Variants in GRM4 observed in about 807,000 individuals in gnomAD.
GRM4 encodes metabotropic glutamate receptor 4.
A neutral mutation model predicts 81.7 loss-of-function variants in GRM4; 28 were observed. The observed-to-expected ratio is 0.34, with a 90% CI of 0.25 to 0.47. The LOEUF is 0.47. GRM4 is among the 20% of genes least tolerant of loss of function. GRM4 has a pLI of 1.00. For synonymous variants in GRM4, 488 were observed against 528.8 expected, an observed-to-expected ratio of 0.92 and a Z score of 1.06; for missense variants, 948 against 1,290.0, an observed-to-expected ratio of 0.73 and a Z score of 4.06.
intron 2 of GRM4, chr6:34,100,039 T>C (rs1298108998): frequency 2.0e-6 from 2 of 983,338 alleles, no homozygotes; most frequent in African/African-American, 3.5e-5. Flanking sequence ...TCCTCTGCTC[T>C]GTGGATTTAG....
chr6:34,123,837 C>T (rs370638741), intron 2 of GRM4, among the ~76,000 whole-genome samples: 5 of 152,180 alleles, frequency 3.3e-5, no homozygotes, highest in East Asian at 3.9e-4. Context: ...TACTGCCCCT[C>T]GGGGATCCCC....
Position 34,036,736 on chromosome 6 carries a change from G to A in GRM4, c.1507-133C>T, listed in dbSNP as rs556508475. On this transcript the variant is annotated intron_variant, in intron 8 of 10. Coordinates refer to ENST00000538487, the MANE Select transcript of GRM4 (RefSeq NM_000841.4). This position sits in a 1 kb window ranked among gnomAD's most constrained non-coding sequence, Gnocchi z 9.0. The stretch of plus-strand genomic sequence containing the variant: ...TAGTTGGCTAAAAGTCCAGCTGCCC[G>A]GACCCCACAGGGACTTACTGAATCT... 124 of 596,706 alleles carry A rather than the reference G, an allele frequency of 2.1e-4. No individual in the cohort carries two copies. Among genetic ancestry groups the A allele is most frequent in the African/African-American group, 1.9e-3 (103 of 53,916 alleles). 37.0% of individuals were successfully genotyped at this position (596,706 alleles called of 1,614,324 possible).
rs748955361 is a variant in GRM4, at chr6:34,130,798, C to G, written c.519+2180G>C. 2.6e-5 allele frequency among the ~76,000 whole-genome samples: 4 copies of G among 152,252 alleles called. No homozygotes were observed. Among genetic ancestry groups the G allele is most frequent in the Admixed American group, 6.5e-5 (1 of 15,288 alleles). ...CAGGGGAAGGGATCCTCACCAATGT[C>G]ACAGGTTCAAGGGCTGGACCAGGCT... is the stretch of plus-strand genomic sequence containing the variant. On this transcript the variant is annotated intron_variant, in intron 2 of 10. Coordinates refer to ENST00000538487, the MANE Select transcript of GRM4 (RefSeq NM_000841.4). The surrounding 1 kb of genome is among the most constrained non-coding windows in gnomAD (Gnocchi z 4.1).
intron 2 of GRM4, chr6:34,110,800 C>A (rs1463299405): frequency 7.1e-7 from 1 of 1,405,144 alleles, no homozygotes; most frequent in African/African-American, 1.5e-5. Flanking sequence ...GCCCAGGCTG[C>A]AGGCCATCTG....
At chr6:34,038,288 A>G (rs1001443773) in intron 8 of GRM4, among the ~76,000 whole-genome samples, 2 of 152,248 alleles carry the variant, frequency 1.3e-5, no homozygotes, top group Non-Finnish European at 2.9e-5. Flanking sequence ...GAAAGCAGAT[A>G]TGAAGCCACT....
intron 3 of GRM4, among the ~76,000 whole-genome samples, chr6:34,073,183 A>G (rs1483804173): frequency 6.6e-5 from 8 of 120,664 alleles, no homozygotes; most frequent in Admixed American, 1.6e-4. Flanking sequence ...CACCACACAA[A>G]TACACATTAC....
intron 2 of GRM4, among the ~76,000 whole-genome samples, chr6:34,132,012 C>A (rs981133794): frequency 3.9e-5 from 6 of 152,164 alleles, no homozygotes; most frequent in African/African-American, 1.4e-4. Context: ...AAGACAGGCT[C>A]CAAGAGAGAA....
chr6:34,119,445 A>G (rs192378803), intron 2 of GRM4, among the ~76,000 whole-genome samples: 1 of 152,200 alleles, frequency 6.6e-6, no homozygotes, highest in African/African-American at 2.4e-5. Context: ...GACCTGCTAC[A>G]TGAGGCCAGG....
intron 2 of GRM4, among the ~76,000 whole-genome samples, chr6:34,107,724 A>G (rs544739291): frequency 1.3e-5 from 2 of 152,214 alleles, no homozygotes; most frequent in Non-Finnish European, 2.9e-5. Flanking sequence ...CTAAAAGGCC[A>G]AAACAGAGGA....
At chr6:34,039,120 A>C (rs3798529) in intron 8 of GRM4, among the ~76,000 whole-genome samples, 54,241 of 151,986 alleles carry the variant, frequency 0.36, 13,420 homozygotes, top group African/African-American at 0.71. Flanking sequence ...CGCTCTCCAC[A>C]CAGCAATCCA....
chr6:34,057,030 G>A (rs1282915305), intron 5 of GRM4, among the ~76,000 whole-genome samples: 6 of 152,148 alleles, frequency 3.9e-5, no homozygotes, highest in Non-Finnish European at 7.3e-5. Context: ...ACAGAGGCTG[G>A]TGGGGCTGCC....
At chr6:34,056,751 C>T in intron 5 of GRM4, 67 bp from the exon 6 acceptor site, 1 of 1,550,920 alleles carries the variant, frequency 6.4e-7, no homozygotes, top group Non-Finnish European at 8.8e-7. Flanking sequence ...CCCTCCCCGC[C>T]TCCCCCAGGA....
rs190423612 is a variant in GRM4 at position 34,080,771 on chromosome 6, G to A, written c.736+11112C>T. 9.9e-5 allele frequency among the ~76,000 whole-genome samples: 15 copies of A among 151,984 alleles called. No homozygotes were observed. The East Asian group carries it at 2.7e-3, about 27-fold the overall frequency. On this transcript the variant is annotated intron_variant, in intron 3 of 10. Coordinates refer to ENST00000538487, the MANE Select transcript of GRM4 (RefSeq NM_000841.4). The surrounding 1 kb of genome is among the most constrained non-coding windows in gnomAD (Gnocchi z 5.4). ...GCCGTCACAGCTCATACTTGGTCACGCAGGAGTCACACGTGACTTGAGGGA... is the reference window on the plus strand; with the variant it reads ...GCCGTCACAGCTCATACTTGGTCACACAGGAGTCACACGTGACTTGAGGGA...
At chr6:34,150,167 C>A (rs1771017069), upstream of GRM4, among the ~76,000 whole-genome samples, 2 of 151,338 alleles carry the variant, frequency 1.3e-5, no homozygotes, top group South Asian at 2.1e-4. Context: ...CGCATTTGTA[C>A]CTGTACCCCA....
Position 34,132,993 on chromosome 6 carries a change from G to A in GRM4, c.504C>T (p.Ile168=). The A allele has an allele frequency of 6.2e-7, 1 of 1,605,194 alleles. No individual in the cohort carries two copies. Among genetic ancestry groups the A allele is most frequent in the South Asian group, 1.1e-5 (1 of 89,584 alleles). ...GSSVSIMVAN[I]LRLFKIPQIS... Reference sequence around the variant, plus strand: ...AGGCACTGACCTTGAAGAGGCGAAGGATGTTGGCCACCATGATGGAGACCG... The same window carrying A: ...AGGCACTGACCTTGAAGAGGCGAAGAATGTTGGCCACCATGATGGAGACCG... Residue 168 remains isoleucine (I), a synonymous_variant, in exon 2 of 11, where the codon ATC becomes ATT. Coordinates refer to ENST00000538487, the MANE Select transcript of GRM4 (RefSeq NM_000841.4).
chr6:34,061,981 C>G lies in GRM4; in HGVS notation c.784G>C (p.Ala262Pro), dbSNP rs1445680953. 1 of 1,613,844 alleles carries G rather than the reference C, an allele frequency of 6.2e-7. No individual in the cohort carries two copies. Among genetic ancestry groups the G allele is most frequent in the Non-Finnish European group, 8.5e-7 (1 of 1,179,844 alleles). The change falls in exon 4 of 11, where the codon GCA becomes CCA. Residue 262 changes from alanine to proline, a missense_variant. Coordinates refer to ENST00000538487, the MANE Select transcript of GRM4 (RefSeq NM_000841.4). ...CGGATGATCTTGTCGAACTCGCCTG[C>G]CTTGGGCTCCCGTGGTATCTTCACC... ...QSVKIPREPK[A>P]GEFDKIIRRL...
chr6:34,035,559 T>TGAAAGAAGGCAGAATGAGGCAA lies in GRM4; in HGVS notation c.2442+108_2442+109insTTGCCTCATTCTGCCTTCTTTC, dbSNP rs1198761612. The TGAAAGAAGGCAGAATGAGGCAA allele has an allele frequency of 0.064, 37,290 of 582,794 alleles. 5,200 individuals are homozygous for TGAAAGAAGGCAGAATGAGGCAA. The highest frequency in any genetic ancestry group is 0.39 in the African/African-American group (16,789 of 42,974). 36.1% of individuals were successfully genotyped at this position (582,794 alleles called of 1,614,324 possible). On this transcript the variant is annotated intron_variant, in intron 9 of 10. Coordinates refer to ENST00000538487, the MANE Select transcript of GRM4 (RefSeq NM_000841.4). This position sits in a 1 kb window ranked among gnomAD's most constrained non-coding sequence, Gnocchi z 6.6. ...GCAAGAAAGAAGGCAGAATGAGGCA[T>TGAAAGAAGGCAGAATGAGGCAA]GAAAGAAGGCATTTCTGGAGCAGGG... is the stretch of plus-strand genomic sequence containing the variant.
At chr6:34,062,955 T>G (rs2127462895) in intron 3 of GRM4, 1 of 152,244 alleles carries the variant, frequency 6.6e-6, no homozygotes, top group East Asian at 1.9e-4. Context: ...AGAAGTGGCT[T>G]ACCCAAAGCC....
upstream of GRM4, among the ~76,000 whole-genome samples, chr6:34,149,192 C>T (rs1770998707): frequency 6.6e-6 from 1 of 152,022 alleles, no homozygotes; most frequent in African/African-American, 2.4e-5. Context: ...TTTGAAAATC[C>T]TGACCTTTAG....
Sources: gnomAD v4.1 joint callset for allele counts (sites outside exome capture counted in the v4.1 genomes callset) on GRCh38, gnomAD v4.1.1 for gene constraint, Gnocchi (gnomAD v3.1) non-coding constraint, MANE v1.5 for transcripts, NCBI Gene and HGNC (gene_info 2026-07-23, HGNC 2026-07-21) for gene names.